The following NTRK3 variants were observed in gnomAD, a reference collection of about 807,000 sequenced individuals.
NTRK3 encodes the protein neurotrophic receptor tyrosine kinase 3, also known as NT-3 growth factor receptor.
Under a neutral mutation model 91.7 loss-of-function variants are expected in NTRK3, and 24 were observed. That is an observed-to-expected ratio of 0.26 (90% CI 0.19 to 0.37). The LOEUF is 0.37. NTRK3 is among the 10% of genes least tolerant of loss of function. The pLI is 1.00. For missense variants in NTRK3, 880 were observed against 1,068.9 expected, an observed-to-expected ratio of 0.82 and a Z score of 2.46; for synonymous variants, 483 against 404.0, an observed-to-expected ratio of 1.20 and a Z score of -2.34.
chr15:88,162,191 A>C (rs1007660570), intron 5 of NTRK3, among the ~76,000 whole-genome samples: 2 of 152,184 alleles, frequency 1.3e-5, no homozygotes, highest in Non-Finnish European at 2.9e-5. Flanking sequence ...TTCTGTTCTT[A>C]CTCAGCCACA....
intron 13 of NTRK3, among the ~76,000 whole-genome samples, chr15:88,107,107 T>G (rs545591889): frequency 1.3e-5 from 2 of 152,192 alleles, no homozygotes; most frequent in African/African-American, 4.8e-5. Flanking sequence ...TTATACAATA[T>G]TTTCTAGATT....
At position 88,212,376 on chromosome 15, in the gene NTRK3, T is replaced by C. The variant is rs186212870; in HGVS notation, c.249-28077A>G. Among the ~76,000 whole-genome samples the C allele has an allele frequency of 3.8e-4, 58 of 152,006 alleles. 1 individual carries two copies. The highest frequency in any genetic ancestry group is 1.3e-3 in the African/African-American group (54 of 41,462). ...CAGAGTGAGACTCCATCTCAAAAAATAAAAATAAAATAAAAAGTCTCTAAC... is the reference window on the plus strand; with the variant it reads ...CAGAGTGAGACTCCATCTCAAAAAACAAAAATAAAATAAAAAGTCTCTAAC... On this transcript the variant is annotated intron_variant, in intron 3 of 18. Coordinates refer to ENST00000394480, the Ensembl canonical transcript of NTRK3.
At chr15:88,137,616 C>A (rs558229457) in intron 6 of NTRK3, 55 bp from the exon 7 acceptor site, 2 of 1,585,848 alleles carry the variant, frequency 1.3e-6, no homozygotes, top group South Asian at 2.3e-5. Flanking sequence ...GGCCCAGGAC[C>A]CTCCCAGGGC....
At chr15:88,111,893 T>G (rs1249106730) in intron 13 of NTRK3, among the ~76,000 whole-genome samples, 13 of 35,808 alleles carry the variant, frequency 3.6e-4, no homozygotes, top group African/African-American at 1.9e-3. Flanking sequence ...GGTTTCTGGT[T>G]TTTTTTTTGT....
At chr15:87,988,103 C>T (rs930998155) in intron 14 of NTRK3, among the ~76,000 whole-genome samples, 1 of 152,132 alleles carries the variant, frequency 6.6e-6, no homozygotes, top group African/African-American at 2.4e-5. Context: ...AACACCATCT[C>T]AGCCAGGTAA....
intron 15 of NTRK3, 95 bp downstream of exon 15, chr15:87,940,528 G>A (rs1317101773): frequency 6.3e-7 from 1 of 1,579,540 alleles, no homozygotes; most frequent in African/African-American, 1.3e-5. Flanking sequence ...AAAGCCAATT[G>A]AGCACTATCT....
chr15:88,199,508 C>T (rs2048111782), intron 3 of NTRK3, among the ~76,000 whole-genome samples: 1 of 152,192 alleles, frequency 6.6e-6, no homozygotes. Flanking sequence ...TGGGCAAGAA[C>T]ATTTAATATC....
chr15:87,949,865 T>A (rs1369005096), intron 14 of NTRK3, among the ~76,000 whole-genome samples: 4 of 152,180 alleles, frequency 2.6e-5, no homozygotes, highest in Admixed American at 1.3e-4. Context: ...ATTGTGAAGT[T>A]AGGTGCTGAA....
chr15:87,986,042 C>G (rs552176468), intron 14 of NTRK3, among the ~76,000 whole-genome samples: 3 of 152,278 alleles, frequency 2.0e-5, no homozygotes, highest in African/African-American at 7.2e-5. Flanking sequence ...ACTTCATAAG[C>G]CATGGAGCAA....
intron 13 of NTRK3, among the ~76,000 whole-genome samples, chr15:88,118,519 G>A (rs1173254088): frequency 6.6e-6 from 1 of 152,188 alleles, no homozygotes; most frequent in East Asian, 1.9e-4. Flanking sequence ...TGATACTGTA[G>A]GATAACTGGA....
chr15:88,208,608 T>C (rs1478372846), intron 3 of NTRK3, among the ~76,000 whole-genome samples: 2 of 151,994 alleles, frequency 1.3e-5, no homozygotes, highest in African/African-American at 4.8e-5. Context: ...GTAGCAAGAG[T>C]GTGCCTGCAC....
At chr15:88,046,414 G>T (rs1427769206) in intron 13 of NTRK3, among the ~76,000 whole-genome samples, 1 of 152,118 alleles carries the variant, frequency 6.6e-6, no homozygotes, top group African/African-American at 2.4e-5. Flanking sequence ...CAGGTCTACA[G>T]GTGGGACACA....
At chr15:88,148,591 G>A (rs1251806573) in intron 5 of NTRK3, among the ~76,000 whole-genome samples, 2 of 152,198 alleles carry the variant, frequency 1.3e-5, no homozygotes, top group African/African-American at 4.8e-5. Flanking sequence ...AAGGAAGCCA[G>A]TCAGGAAGTA....
intron 13 of NTRK3, among the ~76,000 whole-genome samples, chr15:88,077,031 T>A (rs983745922): frequency 2.6e-5 from 4 of 151,864 alleles, no homozygotes; most frequent in African/African-American, 9.7e-5. Context: ...GAGGCGGAGG[T>A]TGCAACGAGC....
At chr15:87,963,223 G>A (rs922949088) in intron 14 of NTRK3, among the ~76,000 whole-genome samples, 1 of 152,134 alleles carries the variant, frequency 6.6e-6, no homozygotes, top group Non-Finnish European at 1.5e-5. Context: ...TCTCTGATGA[G>A]GGCTGCCACT....
At chr15:88,093,434 C>T (rs1367264152) in intron 13 of NTRK3, among the ~76,000 whole-genome samples, 1 of 152,116 alleles carries the variant, frequency 6.6e-6, no homozygotes, top group Non-Finnish European at 1.5e-5. Context: ...CTGCTATGTG[C>T]CAGGCAGCCT....
chr15:87,984,532 G>A (rs1157597076), intron 14 of NTRK3, among the ~76,000 whole-genome samples: 3 of 152,192 alleles, frequency 2.0e-5, no homozygotes, highest in East Asian at 1.9e-4. Context: ...AGCCCCAAAC[G>A]CCTAGGCTTG....
chr15:88,233,064 G>A lies in NTRK3; in HGVS notation c.248+22842C>T, dbSNP rs12595373. ...CTTTTATAAATCTCTGCCTCTTAATGATGGCTTCAAGGCTGAGGGGAGAAG... is the reference window on the plus strand; with the variant it reads ...CTTTTATAAATCTCTGCCTCTTAATAATGGCTTCAAGGCTGAGGGGAGAAG... On this transcript the variant is annotated intron_variant, in intron 3 of 18. Transcript: ENST00000394480. The surrounding 1 kb of genome is among the most constrained non-coding windows in gnomAD (Gnocchi z 4.2). Among the ~76,000 whole-genome samples the A allele has an allele frequency of 6.6e-6, 1 of 152,164 alleles. No homozygotes were observed. The highest frequency in any genetic ancestry group is 6.5e-5 in the Admixed American group (1 of 15,282).
intron 6 of NTRK3, among the ~76,000 whole-genome samples, chr15:88,144,458 T>C (rs1482979041): frequency 6.6e-6 from 1 of 152,116 alleles, no homozygotes; most frequent in African/African-American, 2.4e-5. Context: ...TGTTTGTTTT[T>C]TTTTCCTTTG....
Sources: allele counts gnomAD v4.1 joint callset (sites outside exome capture counted in the v4.1 genomes callset), GRCh38; gene constraint gnomAD v4.1.1; non-coding constraint Gnocchi (gnomAD v3.1); transcripts MANE v1.5; gene names NCBI Gene and HGNC (gene_info 2026-07-23, HGNC 2026-07-21).